Variants in PACS2 observed in about 807,000 individuals in gnomAD.
PACS2 encodes the protein PACS1-like protein.
Under a neutral mutation model 113.0 loss-of-function variants are expected in PACS2, and 36 were observed. That is an observed-to-expected ratio of 0.32 (90% CI 0.24 to 0.42). PACS2 has a LOEUF of 0.42. Ranked by LOEUF, PACS2 falls within the 10% of genes least tolerant of loss-of-function variation. The pLI, the probability that PACS2 is intolerant of heterozygous loss-of-function variation, is 1.00. For missense variants in PACS2, 1,015 were observed against 1,239.5 expected, an observed-to-expected ratio of 0.82 and a Z score of 2.72; for synonymous variants, 589 against 536.1, an observed-to-expected ratio of 1.10 and a Z score of -1.36.
At chr14:105,353,718 C>G (rs1202191757) in intron 3 of PACS2, among the ~76,000 whole-genome samples, 15 of 151,918 alleles carry the variant, frequency 9.9e-5, no homozygotes, top group Admixed American at 9.2e-4. Flanking sequence ...TTCAGCCTCC[C>G]GAGCAGCTGG....
rs990236016 is a variant in PACS2 at position 105,385,139 on chromosome 14, G to T, written c.2000+152G>T. ...GCCTGGGCCAGCTGGGCAGCTCTGG[G>T]CCTCCCTGACAGCAGGTGCTTCCCC... On this transcript the variant is annotated intron_variant, in intron 18 of 24. Coordinates refer to ENST00000447393, the MANE Select transcript of PACS2 (RefSeq NM_001100913.3). The T allele has an allele frequency of 1.9e-5, 12 of 631,602 alleles. 1 individual carries two copies. The highest frequency in any genetic ancestry group is 3.5e-5 in the Non-Finnish European group (12 of 343,110). 39.1% of individuals were successfully genotyped at this position (631,602 alleles called of 1,614,324 possible).
rs781980102 is a variant in PACS2 at position 105,369,852 on chromosome 14, C to A, written c.753C>A (p.Phe251Leu). The change falls in exon 8 of 25, where the codon TTC becomes TTA. Residue 251 changes from phenylalanine to leucine, a missense_variant. Phe to Leu is a conservative substitution (Grantham distance 22). This residue lies in a region of PACS2 where 859 missense variants were observed against 1,056.8 expected (regional missense o/e 0.81). Coordinates refer to ENST00000447393, the MANE Select transcript of PACS2 (RefSeq NM_001100913.3). The stretch of plus-strand genomic sequence containing the variant: ...CGCCTGTCTTGCAGCAACAGAACTT[C>A]AAGCAGAAAGTGGTAGCGCTGCTGC... The part of the protein sequence containing the change: ...RTTSMTRQQN[F>L]KQKVVALLRR... The A allele has an allele frequency of 6.2e-7, 1 of 1,601,796 alleles. No individual in the cohort carries two copies. Among genetic ancestry groups the A allele is most frequent in the Admixed American group, 1.7e-5 (1 of 59,458 alleles).
chr14:105,319,556 A>C (rs2058809173), intron 1 of PACS2, among the ~76,000 whole-genome samples: 1 of 152,236 alleles, frequency 6.6e-6, no homozygotes, highest in African/African-American at 2.4e-5. Context: ...CAGTGATTTT[A>C]CTATTTTTAA....
chr14:105,393,086 G>A (rs587708362), intron 23 of PACS2, 136 bp from the exon 24 acceptor site: 7 of 747,094 alleles, frequency 9.4e-6, no homozygotes, highest in South Asian at 4.5e-5. Flanking sequence ...CTCAGTCACC[G>A]TGGAAGGCAG....
chr14:105,353,576 G>GTTTTTCTTTGT (rs587735398), intron 3 of PACS2, among the ~76,000 whole-genome samples: 6 of 152,142 alleles, frequency 3.9e-5, no homozygotes, highest in Admixed American at 6.5e-5. Context: ...ATTAGGTTGA[G>GTTTTTCTTTGT]TTTTTCTTTG....
intron 1 of PACS2, among the ~76,000 whole-genome samples, chr14:105,345,784 C>G (rs587601753): frequency 6.6e-6 from 1 of 152,298 alleles, no homozygotes; most frequent in Admixed American, 6.5e-5. Flanking sequence ...TATCACCTCT[C>G]TTAGTCTCTC....
At position 105,348,941 on chromosome 14, in the gene PACS2, G is replaced by A. The variant is rs587642825; in HGVS notation, c.207+361G>A. On this transcript the variant is annotated intron_variant, in intron 2 of 24. Transcript: ENST00000447393. The surrounding 1 kb of genome is among the most constrained non-coding windows in gnomAD (Gnocchi z 6.4). ...GCCCACTTTTTGTGGGGTGGAGGGCGTCGGTGGGAGAGGGGAGCAGGGCAC... is the reference window on the plus strand; with the variant it reads ...GCCCACTTTTTGTGGGGTGGAGGGCATCGGTGGGAGAGGGGAGCAGGGCAC... Among the ~76,000 whole-genome samples the A allele has an allele frequency of 1.3e-5, 2 of 152,322 alleles. No individual in the cohort carries two copies. The highest frequency in any genetic ancestry group is 1.9e-4 in the East Asian group (1 of 5,186).
At position 105,369,836 on chromosome 14, in the gene PACS2, T is replaced by TG; in HGVS notation, c.742-4dup. On this transcript the variant is annotated splice_polypyrimidine_tract_variant and splice_region_variant and intron_variant, in intron 7 of 24. Coordinates refer to ENST00000447393, the MANE Select transcript of PACS2 (RefSeq NM_001100913.3). ...GGCTCTGACTCTGCACCGCCTGTCTTGCAGCAACAGAACTTCAAGCAGAAA... is the reference window on the plus strand; with the variant it reads ...GGCTCTGACTCTGCACCGCCTGTCTTGGCAGCAACAGAACTTCAAGCAGAAA... The TG allele has an allele frequency of 1.3e-6, 2 of 1,589,556 alleles. No individual in the cohort carries two copies. The highest frequency in any genetic ancestry group is 1.7e-6 in the Non-Finnish European group (2 of 1,170,680).
rs57469162 is a variant in PACS2 at position 105,318,594 on chromosome 14, C to T, written c.119+3557C>T. ...CCTCCCAAGTAGCTAGGACTACAGGCGCCTGCCAGCATGCCCGGCTAATTT... is the reference window on the plus strand; with the variant it reads ...CCTCCCAAGTAGCTAGGACTACAGGTGCCTGCCAGCATGCCCGGCTAATTT... On this transcript the variant is annotated intron_variant, in intron 1 of 24. Coordinates refer to ENST00000447393, the MANE Select transcript of PACS2 (RefSeq NM_001100913.3). Among the ~76,000 whole-genome samples, 47 of 151,994 alleles carry T rather than the reference C, an allele frequency of 3.1e-4. No individual in the cohort carries two copies. The East Asian group carries it at 6.6e-3, about 21-fold the overall frequency.
chr14:105,342,867 G>A (rs1296014671), intron 1 of PACS2, among the ~76,000 whole-genome samples: 3 of 151,326 alleles, frequency 2.0e-5, no homozygotes, highest in African/African-American at 4.9e-5. Context: ...CCCGGGAGGC[G>A]GAGGTTGCAG....
At chr14:105,339,537 A>C (rs375004489) in intron 1 of PACS2, among the ~76,000 whole-genome samples, 1 of 151,314 alleles carries the variant, frequency 6.6e-6, no homozygotes, top group Non-Finnish European at 1.5e-5. Context: ...AAGAAAAAGA[A>C]AAGACCAGCA....
chr14:105,315,023 C>G lies in PACS2; in HGVS notation c.105C>G (p.Pro35=). The G allele has an allele frequency of 1.1e-5, 13 of 1,223,416 alleles. No homozygotes were observed. Among genetic ancestry groups the G allele is most frequent in the Non-Finnish European group, 1.3e-5 (13 of 964,058 alleles). 75.8% of individuals were successfully genotyped at this position (1,223,416 alleles called of 1,614,324 possible). A position where few individuals can be genotyped will look rare whatever the true frequency, so the allele number is the denominator to read the frequency against. ...CCTGGGAGGTGGACGGCTCCAGCCC[C>G]AGCTGCGTGCCCAGGTACGCGCCGC... is the stretch of plus-strand genomic sequence containing the variant. ...FATWEVDGSS[P]SCVPRLCSLT... The change falls in exon 1 of 25, where the codon CCC becomes CCG. Residue 35 remains proline (P), a synonymous_variant. Transcript: ENST00000447393. This position sits in a 1 kb window ranked among gnomAD's most constrained non-coding sequence, Gnocchi z 4.4.
chr14:105,335,658 G>A (rs587716568), intron 1 of PACS2, among the ~76,000 whole-genome samples: 38 of 152,298 alleles, frequency 2.5e-4, no homozygotes, highest in African/African-American at 9.1e-4. Context: ...ACCTGGCTGA[G>A]CCTGTTCCTC....
intron 7 of PACS2, 115 bp from the exon 8 acceptor site, chr14:105,369,726 G>T: frequency 2.4e-6 from 2 of 816,632 alleles, no homozygotes; most frequent in Non-Finnish European, 2.0e-6. Flanking sequence ...CTGGTGCTGA[G>T]GCCTTGCTGC....
rs2060943139 is a variant in PACS2 at position 105,366,420 on chromosome 14, G to A, written c.424-793G>A. Among the ~76,000 whole-genome samples, 1 of 152,218 alleles carries A rather than the reference G, an allele frequency of 6.6e-6. No individual in the cohort carries two copies. The highest frequency in any genetic ancestry group is 1.5e-5 in the Non-Finnish European group (1 of 68,034). ...GGATGTGAACCGATAGCCCCAAAAG[G>A]CGGCTTCTAGAGCACAGCTGGCCCC... On this transcript the variant is annotated intron_variant, in intron 4 of 24. Transcript: ENST00000447393. This position sits in a 1 kb window ranked among gnomAD's most constrained non-coding sequence, Gnocchi z 4.3.
Position 105,334,264 on chromosome 14 carries a change from G to A in PACS2, c.120-14229G>A, listed in dbSNP as rs1595600527. On this transcript the variant is annotated intron_variant, in intron 1 of 24. Coordinates refer to ENST00000447393, the MANE Select transcript of PACS2 (RefSeq NM_001100913.3). The stretch of plus-strand genomic sequence containing the variant: ...GGCCCCGGCTGCAGAGGCAGTGCCA[G>A]CTAGCTGAGTGGGTCAGGCCACAGA... Among the ~76,000 whole-genome samples, 4 of 152,352 alleles carry A rather than the reference G, an allele frequency of 2.6e-5. No homozygotes were observed. The East Asian group carries it at 5.8e-4, about 22-fold the overall frequency.
At chr14:105,335,109 A>G (rs2059462258) in intron 1 of PACS2, among the ~76,000 whole-genome samples, 1 of 152,242 alleles carries the variant, frequency 6.6e-6, no homozygotes, top group African/African-American at 2.4e-5. Flanking sequence ...CCCAGCCTGG[A>G]CAATGGCCGG....
chr14:105,329,851 C>T lies in PACS2; in HGVS notation c.119+14814C>T, dbSNP rs1215736115. 2.0e-5 allele frequency among the ~76,000 whole-genome samples: 3 copies of T among 152,166 alleles called. No homozygotes were observed. Among genetic ancestry groups the T allele is most frequent in the Non-Finnish European group, 4.4e-5 (3 of 68,026 alleles). Reference sequence around the variant, plus strand: ...GTGAGGTCTCTGCAGCGGGAGCATCCAGGCCTGGAACTCGAGCTGTGGTGT... The same window carrying T: ...GTGAGGTCTCTGCAGCGGGAGCATCTAGGCCTGGAACTCGAGCTGTGGTGT... On this transcript the variant is annotated intron_variant, in intron 1 of 24. Transcript: ENST00000447393. The surrounding 1 kb of genome is among the most constrained non-coding windows in gnomAD (Gnocchi z 6.4).
upstream of PACS2, among the ~76,000 whole-genome samples, chr14:105,309,975 G>A (rs1345935512): frequency 2.6e-5 from 4 of 151,426 alleles, no homozygotes; most frequent in Non-Finnish European, 5.9e-5. The surrounding 1 kb of genome is among the most constrained non-coding windows in gnomAD (Gnocchi z 4.0). Context: ...TAGTAGAGAC[G>A]GGGTTTCAGT....
Sources: gnomAD v4.1 joint callset for allele counts (sites outside exome capture counted in the v4.1 genomes callset) on GRCh38, gnomAD v4.1.1 for gene constraint, gnomAD v4.1.1 regional missense constraint, Gnocchi (gnomAD v3.1) non-coding constraint, MANE v1.5 for transcripts, NCBI Gene and HGNC (gene_info 2026-07-23, HGNC 2026-07-21) for gene names.